The following DNAAF5 variants were observed in gnomAD, a reference collection of about 807,000 sequenced individuals.
DNAAF5 encodes dynein axonemal assembly factor 5, also known as HEAT repeat containing 2.
In DNAAF5, 64 loss-of-function variants were observed where a neutral mutation model predicts 75.8. That is an observed-to-expected ratio of 0.84 (90% confidence interval 0.69 to 1.04). The LOEUF is 1.04. Ranked by LOEUF, DNAAF5 falls within the 50% of genes least tolerant of loss-of-function variation. The probability of loss-of-function intolerance (pLI) is 0.00; values close to 1 mark genes in which losing one functional copy is unlikely to be tolerated. For synonymous variants in DNAAF5, 657 were observed against 557.2 expected, an observed-to-expected ratio of 1.18 and a Z score of -2.52; for missense variants, 1,269 against 1,178.5, an observed-to-expected ratio of 1.08 and a Z score of -1.12.
Position 729,660 on chromosome 7 carries a change from C to A in DNAAF5, c.596-3C>A. ...GGTAACTGGGGGCCTCCCTGTCCCT[C>A]AGACCACTTCCACATGCAGTCGGAG... On this transcript the variant is annotated splice_region_variant and splice_polypyrimidine_tract_variant and intron_variant, in intron 1 of 12. Transcript: ENST00000297440. 13 of 1,613,074 alleles carry A rather than the reference C, an allele frequency of 8.1e-6. No homozygotes were observed. Among genetic ancestry groups the A allele is most frequent in the Non-Finnish European group, 1.1e-5 (13 of 1,179,494 alleles).
At position 754,102 on chromosome 7, in the gene DNAAF5, G is replaced by A. The variant is rs887012599; in HGVS notation, c.1025-487G>A. 2.0e-5 allele frequency among the ~76,000 whole-genome samples: 3 copies of A among 152,014 alleles called. No homozygotes were observed. Among genetic ancestry groups the A allele is most frequent in the Non-Finnish European group, 4.4e-5 (3 of 68,014 alleles). On this transcript the variant is annotated intron_variant, in intron 4 of 12. Transcript: ENST00000297440. This position sits in a 1 kb window ranked among gnomAD's most constrained non-coding sequence, Gnocchi z 4.8. ...ATCATAGGGGGACGGCTTCGCAGGCGTGTCTCTCTGATCATACACGTCAGC... is the reference window on the plus strand; with the variant it reads ...ATCATAGGGGGACGGCTTCGCAGGCATGTCTCTCTGATCATACACGTCAGC...
At chr7:766,568 A>G (rs1376141119) in intron 8 of DNAAF5, among the ~76,000 whole-genome samples, 1 of 152,262 alleles carries the variant, frequency 6.6e-6, no homozygotes, top group Non-Finnish European at 1.5e-5. Context: ...TATTTGCAAT[A>G]AGGATGACAG....
chr7:765,699 G>GT (rs967919024), intron 8 of DNAAF5, among the ~76,000 whole-genome samples: 5 of 152,062 alleles, frequency 3.3e-5, no homozygotes, highest in African/African-American at 9.7e-5. Flanking sequence ...AACTGTATGG[G>GT]TTTTTTTGTT....
At chr7:752,265 T>G (rs1019909805) in intron 4 of DNAAF5, among the ~76,000 whole-genome samples, 3 of 152,218 alleles carry the variant, frequency 2.0e-5, no homozygotes, top group African/African-American at 7.2e-5. Flanking sequence ...GATCTGAAGG[T>G]AAAGCCCAGA....
At chr7:741,082 G>A in intron 3 of DNAAF5, 139 bp downstream of exon 3, 2 of 1,066,590 alleles carry the variant, frequency 1.9e-6, no homozygotes, top group South Asian at 1.5e-5. Flanking sequence ...GTGCCGTACA[G>A]AAGTCGTCTC....
chr7:749,639 G>A (rs1005784091), intron 4 of DNAAF5, among the ~76,000 whole-genome samples: 2 of 152,210 alleles, frequency 1.3e-5, no homozygotes, highest in Non-Finnish European at 2.9e-5. Context: ...TTTGAAGCCA[G>A]CAAGGTCCCA....
intron 11 of DNAAF5, among the ~76,000 whole-genome samples, chr7:777,691 A>G (rs1185921461): frequency 6.6e-6 from 1 of 152,194 alleles, no homozygotes; most frequent in Non-Finnish European, 1.5e-5. Context: ...GGTTCTTGCT[A>G]ATTCCCGGAA....
intron 8 of DNAAF5, 118 bp from the exon 9 acceptor site, chr7:770,353 G>T (rs1778512411): frequency 1.2e-6 from 1 of 802,880 alleles, no homozygotes; most frequent in Non-Finnish European, 1.9e-6. Flanking sequence ...GAAGCGGGGA[G>T]GTGGTGGCCG....
chr7:726,852 G>A lies in DNAAF5; in HGVS notation c.132G>A (p.Pro44=), dbSNP rs1359174303. Residue 44 remains proline, a synonymous_variant, in exon 1 of 13, where the codon CCG becomes CCA. Transcript: ENST00000297440. Reference sequence around the variant, plus strand: ...CGGGGCTGGAGGCCGACAGCAAGCCGGGCCGGCGGCGCGCCTTGGAGGCCC... The same window carrying A: ...CGGGGCTGGAGGCCGACAGCAAGCCAGGCCGGCGGCGCGCCTTGGAGGCCC... ...LLPGLEADSK[P]GRRRALEALR... 3 of 1,319,514 alleles carry A rather than the reference G, an allele frequency of 2.3e-6. No individual in the cohort carries two copies. Among genetic ancestry groups the A allele is most frequent in the East Asian group, 3.2e-5 (1 of 31,248 alleles). The allele number at this position is 1,319,514 out of a possible 1,614,324, so 81.7% of individuals were successfully genotyped here.
At chr7:764,139 A>G (rs1368465655) in intron 8 of DNAAF5, among the ~76,000 whole-genome samples, 165 bp downstream of exon 8, 3 of 152,230 alleles carry the variant, frequency 2.0e-5, no homozygotes, top group Non-Finnish European at 2.9e-5. Context: ...GAGAAGCAGC[A>G]TTTTAAGGAG....
At chr7:738,278 C>T (rs1781796813) in intron 2 of DNAAF5, among the ~76,000 whole-genome samples, 2 of 152,052 alleles carry the variant, frequency 1.3e-5, no homozygotes, top group Non-Finnish European at 2.9e-5. Context: ...TTAATTATTT[C>T]AATATCTGTT....
intron 11 of DNAAF5, among the ~76,000 whole-genome samples, chr7:776,155 T>A (rs1778754679): frequency 6.6e-6 from 1 of 151,868 alleles, no homozygotes; most frequent in Non-Finnish European, 1.5e-5. Context: ...CTGGCCAAAA[T>A]GGTGACCCTG....
At chr7:752,740 T>C (rs1353170964) in intron 4 of DNAAF5, among the ~76,000 whole-genome samples, 1 of 152,222 alleles carries the variant, frequency 6.6e-6, no homozygotes, top group African/African-American at 2.4e-5. Context: ...TTCATCAAAA[T>C]GAACACTTCT....
intron 11 of DNAAF5, among the ~76,000 whole-genome samples, chr7:779,580 G>C (rs1778869280): frequency 6.6e-6 from 1 of 152,186 alleles, no homozygotes; most frequent in South Asian, 2.1e-4. Context: ...GGGCAGGGTG[G>C]CCAGCTCGGG....
intron 8 of DNAAF5, among the ~76,000 whole-genome samples, 195 bp from the exon 9 acceptor site, chr7:770,276 G>A (rs748476180): frequency 6.6e-6 from 1 of 151,994 alleles, no homozygotes; most frequent in Non-Finnish European, 1.5e-5. Flanking sequence ...ATGGAAAAAC[G>A]TGATTTTGGG....
chr7:751,202 A>G (rs1463625045), intron 4 of DNAAF5, among the ~76,000 whole-genome samples: 1 of 152,120 alleles, frequency 6.6e-6, no homozygotes, highest in Non-Finnish European at 1.5e-5. Flanking sequence ...TGTTTTTTAC[A>G]AAATGATGAC....
intron 1 of DNAAF5, among the ~76,000 whole-genome samples, chr7:728,351 C>T (rs915210252): frequency 2.0e-5 from 3 of 152,152 alleles, no homozygotes; most frequent in African/African-American, 7.2e-5. Flanking sequence ...AGTGATGTCC[C>T]AGTGATGGTC....
At chr7:762,050 G>T (rs571156772) in intron 7 of DNAAF5, among the ~76,000 whole-genome samples, 154 bp downstream of exon 7, 1 of 151,702 alleles carries the variant, frequency 6.6e-6, no homozygotes, top group South Asian at 2.1e-4. Context: ...CCCGGGCAAC[G>T]GCCTTCGGGG....
At chr7:729,945 C>A in intron 2 of DNAAF5, 98 bp downstream of exon 2, 1 of 1,135,874 alleles carries the variant, frequency 8.8e-7, no homozygotes, top group Non-Finnish European at 1.3e-6. Flanking sequence ...TTTCAGAGTG[C>A]TGTATGCACC....
Sources: gnomAD v4.1 joint callset for allele counts (sites outside exome capture counted in the v4.1 genomes callset) on GRCh38, gnomAD v4.1.1 for gene constraint, Gnocchi (gnomAD v3.1) non-coding constraint, MANE v1.5 for transcripts, NCBI Gene and HGNC (gene_info 2026-07-23, HGNC 2026-07-21) for gene names.